PTGER4: variants seen among roughly 807,000 people sequenced by gnomAD.
PTGER4 encodes the protein prostaglandin E2 receptor EP4 subtype.
PTGER4 carries 11 observed loss-of-function variants against 33.2 expected under a neutral mutation model. That is an observed-to-expected ratio of 0.33 (90% confidence interval 0.21 to 0.55). The LOEUF (loss-of-function observed/expected upper bound fraction) is 0.55. Ranked by LOEUF, PTGER4 falls within the 20% of genes least tolerant of loss-of-function variation. The probability of loss-of-function intolerance (pLI) is 0.92; values close to 1 mark genes in which losing one functional copy is unlikely to be tolerated. For synonymous variants in PTGER4, 275 were observed against 281.5 expected (o/e 0.98, Z 0.23); for missense variants, 481 against 650.2 (o/e 0.74, Z 2.83).
the PTGER4 span, among the ~76,000 whole-genome samples, chr5:40,713,876 T>C: frequency 6.6e-6 from 1 of 152,228 alleles, no homozygotes; most frequent in East Asian, 1.9e-4. Flanking sequence ...TTCACATCCT[T>C]GTAAAATAAT....
rs923058164 is a variant in PTGER4 at position 40,680,847 on chromosome 5, C to T, written c.-43-104C>T. 74 of 1,034,774 alleles carry T rather than the reference C, an allele frequency of 7.2e-5. 1 individual carries two copies. In the South Asian group the frequency reaches 1.0e-3, roughly 14 times the overall value. 64.1% of individuals were successfully genotyped at this position (1,034,774 alleles called of 1,614,324 possible). A position where few individuals can be genotyped will look rare whatever the true frequency, so the allele number is the denominator to read the frequency against. ...CAATCCAGAAAGTAGGATCGAGTTG[C>T]TCCCCTTGTCTTATCAGTGTATCGT... On this transcript the variant is annotated intron_variant, in intron 1 of 2. Coordinates refer to ENST00000302472, the MANE Select transcript of PTGER4 (RefSeq NM_000958.3). The surrounding 1 kb of genome is among the most constrained non-coding windows in gnomAD (Gnocchi z 5.5).
the PTGER4 span, among the ~76,000 whole-genome samples, chr5:40,731,084 T>C: frequency 6.6e-6 from 1 of 152,222 alleles, no homozygotes; most frequent in Non-Finnish European, 1.5e-5. Context: ...TTTCCAAATG[T>C]TATTGTAGAT....
the PTGER4 span, chr5:40,716,439 T>C: frequency 5.0e-6 from 8 of 1,613,644 alleles, no homozygotes; most frequent in East Asian, 6.7e-5. Flanking sequence ...AGAGGTCTTC[T>C]TTCCATATTT....
the PTGER4 span, among the ~76,000 whole-genome samples, chr5:40,716,776 C>T: frequency 5.9e-5 from 9 of 152,172 alleles, no homozygotes; most frequent in African/African-American, 2.2e-4. Flanking sequence ...CAAATATATT[C>T]TCAGCTTCAG....
the PTGER4 span, among the ~76,000 whole-genome samples, chr5:40,727,707 G>A: frequency 6.6e-6 from 1 of 152,128 alleles, no homozygotes; most frequent in African/African-American, 2.4e-5. Context: ...TGTGGTAAAT[G>A]TAATGATCCA....
chr5:40,689,529 T>C (rs180767841), intron 2 of PTGER4, among the ~76,000 whole-genome samples: 47 of 152,320 alleles, frequency 3.1e-4, no homozygotes, highest in African/African-American at 1.1e-3. Flanking sequence ...TTCTATAATA[T>C]CCTGACCCAA....
intron 2 of PTGER4, among the ~76,000 whole-genome samples, chr5:40,690,713 G>A (rs1201923210): frequency 6.6e-6 from 1 of 152,202 alleles, no homozygotes; most frequent in Non-Finnish European, 1.5e-5. Context: ...CTGGTGATTA[G>A]ATGGTTAATT....
intron 2 of PTGER4, among the ~76,000 whole-genome samples, chr5:40,686,634 TCAC>T (rs757199468): frequency 2.0e-5 from 3 of 152,244 alleles, no homozygotes; most frequent in Non-Finnish European, 2.9e-5. Context: ...AGCTTTCTTG[TCAC>T]CACATCTTCT....
At chr5:40,745,011 A>G in the PTGER4 span, among the ~76,000 whole-genome samples, 1 of 152,228 alleles carries the variant, frequency 6.6e-6, no homozygotes, top group Non-Finnish European at 1.5e-5. Flanking sequence ...GTTTACAAGA[A>G]ACACATGAGA....
chr5:40,698,999 T>A, the PTGER4 span, among the ~76,000 whole-genome samples: 1 of 152,214 alleles, frequency 6.6e-6, no homozygotes, highest in African/African-American at 2.4e-5. Context: ...TCTAGTAATG[T>A]ACCCATGGCC....
the PTGER4 span, among the ~76,000 whole-genome samples, chr5:40,702,708 T>C: frequency 6.6e-6 from 1 of 152,194 alleles, no homozygotes; most frequent in Admixed American, 6.5e-5. Context: ...CAACAGAATA[T>C]ACATTCTTCT....
chr5:40,697,280 AAGAAAGAAAG>A, downstream of PTGER4, among the ~76,000 whole-genome samples: 1 of 131,534 alleles, frequency 7.6e-6, no homozygotes, highest in South Asian at 2.5e-4. Flanking sequence ...GAAAGAAAGA[AAGAAAGAAAG>A]AAAGAAAAAG....
At chr5:40,729,200 C>T in the PTGER4 span, among the ~76,000 whole-genome samples, 4 of 152,292 alleles carry the variant, frequency 2.6e-5, no homozygotes, top group East Asian at 7.7e-4. Context: ...AAAAGGAATA[C>T]AAATGAAGGT....
chr5:40,702,252 C>T, the PTGER4 span, among the ~76,000 whole-genome samples: 1 of 152,156 alleles, frequency 6.6e-6, no homozygotes, highest in African/African-American at 2.4e-5. Context: ...AAAAGCAAGA[C>T]CCAATGGTAT....
downstream of PTGER4, among the ~76,000 whole-genome samples, chr5:40,695,103 T>G (rs193000311): frequency 2.4e-3 from 359 of 151,454 alleles, no homozygotes; most frequent in African/African-American, 8.2e-3. Context: ...AAGATAGATT[T>G]GCAGGACTAT....
At chr5:40,686,660 G>A (rs1048263251) in intron 2 of PTGER4, among the ~76,000 whole-genome samples, 1 of 152,112 alleles carries the variant, frequency 6.6e-6, no homozygotes, top group Admixed American at 6.5e-5. Context: ...TGAACTTATT[G>A]CATTTCCTCA....
chr5:40,722,991 T>C, the PTGER4 span, among the ~76,000 whole-genome samples: 2 of 152,260 alleles, frequency 1.3e-5, no homozygotes, highest in South Asian at 2.1e-4. Flanking sequence ...TTTTGTCAAA[T>C]AGAAAAGGGG....
At chr5:40,722,323 G>A in the PTGER4 span, among the ~76,000 whole-genome samples, 7 of 152,054 alleles carry the variant, frequency 4.6e-5, no homozygotes, top group African/African-American at 1.4e-4. Context: ...CTGCCCGGCC[G>A]CCACCCCGTC....
the PTGER4 span, among the ~76,000 whole-genome samples, chr5:40,731,478 G>A: frequency 6.6e-6 from 1 of 152,180 alleles, no homozygotes; most frequent in Non-Finnish European, 1.5e-5. Context: ...CACAGGGCTG[G>A]GGAGGCCTCA....
Sources: allele counts gnomAD v4.1 joint callset (sites outside exome capture counted in the v4.1 genomes callset), GRCh38; gene constraint gnomAD v4.1.1; non-coding constraint Gnocchi (gnomAD v3.1); transcripts MANE v1.5; gene names NCBI Gene and HGNC (gene_info 2026-07-23, HGNC 2026-07-21).